The following ADAMTS3 variants were observed in gnomAD, a reference collection of about 807,000 sequenced individuals.
The protein encoded by ADAMTS3 is ADAM metallopeptidase with thrombospondin type 1 motif 3, also known as A disintegrin and metalloproteinase with thrombospondin motifs 3.
In ADAMTS3, 73 loss-of-function variants were observed where a neutral mutation model predicts 129.0. The observed-to-expected ratio is 0.57, with a 90% CI of 0.47 to 0.69. The LOEUF is 0.69. Ranked by LOEUF, ADAMTS3 falls within the 30% of genes least tolerant of loss-of-function variation. The pLI is 0.00. For synonymous variants in ADAMTS3, 477 were observed against 510.8 expected, an observed-to-expected ratio of 0.93 and a Z score of 0.89; for missense variants, 1,457 against 1,514.5, an observed-to-expected ratio of 0.96 and a Z score of 0.63.
At chr4:72,498,914 T>C (rs1719939289) in intron 3 of ADAMTS3, among the ~76,000 whole-genome samples, 1 of 152,108 alleles carries the variant, frequency 6.6e-6, no homozygotes, top group Admixed American at 6.6e-5. Context: ...TTCTTCCATC[T>C]CTGACACTAT....
intron 3 of ADAMTS3, among the ~76,000 whole-genome samples, chr4:72,471,329 C>G (rs556292220): frequency 6.6e-6 from 1 of 152,076 alleles, no homozygotes; most frequent in Non-Finnish European, 1.5e-5. Flanking sequence ...TAACTTCTAA[C>G]TCCATGACAC....
intron 3 of ADAMTS3, among the ~76,000 whole-genome samples, chr4:72,515,191 T>C (rs1459352613): frequency 6.6e-6 from 1 of 152,216 alleles, no homozygotes; most frequent in Non-Finnish European, 1.5e-5. Flanking sequence ...CTGCATAGCA[T>C]TCCATGGTGT....
intron 4 of ADAMTS3, among the ~76,000 whole-genome samples, chr4:72,380,469 C>A (rs1329832561): frequency 6.6e-6 from 1 of 152,088 alleles, no homozygotes; most frequent in East Asian, 1.9e-4. Flanking sequence ...ATTAATAAGG[C>A]AGTAATGATT....
intron 4 of ADAMTS3, among the ~76,000 whole-genome samples, chr4:72,360,233 C>T (rs1044273342): frequency 2.0e-5 from 3 of 152,008 alleles, no homozygotes; most frequent in African/African-American, 7.2e-5. Flanking sequence ...GGTTTTTCCT[C>T]GAATTTCCTA....
chr4:72,533,670 C>CACATATGTATATAT (rs1560556061), intron 3 of ADAMTS3, among the ~76,000 whole-genome samples: 1 of 151,148 alleles, frequency 6.6e-6, no homozygotes, highest in Admixed American at 6.6e-5. Context: ...TATGTATATG[C>CACATATGTATATAT]ACATATATGC....
intron 3 of ADAMTS3, among the ~76,000 whole-genome samples, chr4:72,428,676 A>G (rs1722626522): frequency 6.6e-6 from 1 of 152,020 alleles, no homozygotes; most frequent in South Asian, 2.1e-4. Context: ...GGTTCTGGTC[A>G]CAGCTTTGCT....
At chr4:72,439,186 A>AT (rs962218521) in intron 3 of ADAMTS3, among the ~76,000 whole-genome samples, 18 of 151,660 alleles carry the variant, frequency 1.2e-4, no homozygotes, top group Non-Finnish European at 1.3e-4. Context: ...AAATACATTT[A>AT]TTTTTTATTT....
intron 4 of ADAMTS3, among the ~76,000 whole-genome samples, chr4:72,350,774 T>A (rs1447420074): frequency 6.6e-6 from 1 of 152,000 alleles, no homozygotes; most frequent in Non-Finnish European, 1.5e-5. Context: ...CAGCCCCATA[T>A]AAGCACCAGG....
At chr4:72,452,762 G>C (rs1422356248) in intron 3 of ADAMTS3, among the ~76,000 whole-genome samples, 1 of 151,654 alleles carries the variant, frequency 6.6e-6, no homozygotes, top group Non-Finnish European at 1.5e-5. Context: ...CTGGGCTTTG[G>C]TACCTGCCCA....
At position 72,315,974 on chromosome 4, in the gene ADAMTS3, G is replaced by A; in HGVS notation, c.1486-3C>T. ...TTACATGGGTCAAAGGTTCGGAACT[G>A]GAAGATAGATAATCAAATTGTCAGT... On this transcript the variant is annotated splice_region_variant and splice_polypyrimidine_tract_variant and intron_variant, in intron 10 of 21. Transcript: ENST00000286657. 4.4e-6 allele frequency: 7 copies of A among 1,576,726 alleles called. No homozygotes were observed. The highest frequency in any genetic ancestry group is 6.1e-6 in the Non-Finnish European group (7 of 1,151,840).
intron 3 of ADAMTS3, among the ~76,000 whole-genome samples, chr4:72,506,815 G>A (rs1302300794): frequency 6.6e-6 from 1 of 152,174 alleles, no homozygotes; most frequent in African/African-American, 2.4e-5. Flanking sequence ...TCATGTGGCT[G>A]TTTGCCCACA....
chr4:72,284,062 G>T (rs1229964651), intron 21 of ADAMTS3, among the ~76,000 whole-genome samples: 1 of 152,070 alleles, frequency 6.6e-6, no homozygotes, highest in Non-Finnish European at 1.5e-5. Flanking sequence ...AGGGGCATCT[G>T]TATTTTTATT....
In ADAMTS3 at chr4:72,483,498, A is replaced by G. The variant is rs191186890; in HGVS notation, c.504+64980T>C. On this transcript the variant is annotated intron_variant, in intron 3 of 21. Coordinates refer to ENST00000286657, the MANE Select transcript of ADAMTS3 (RefSeq NM_014243.3). ...TTATTTCTCTTTTTCCAAAAGAGTGACACCCCATCAACAATGAGTTTCAGG... is the reference window on the plus strand; with the variant it reads ...TTATTTCTCTTTTTCCAAAAGAGTGGCACCCCATCAACAATGAGTTTCAGG... Among the ~76,000 whole-genome samples, 143 of 152,274 alleles carry G rather than the reference A, an allele frequency of 9.4e-4. 2 individuals carry two copies. Among genetic ancestry groups the G allele is most frequent in the African/African-American group, 3.4e-3 (141 of 41,554 alleles).
chr4:72,414,947 CATT>C lies in ADAMTS3; in HGVS notation c.526_528del (p.Asn176del). 1 of 1,546,616 alleles carries C rather than the reference CATT, an allele frequency of 6.5e-7. No individual in the cohort carries two copies. Among genetic ancestry groups the C allele is most frequent in the Non-Finnish European group, 8.7e-7 (1 of 1,152,140 alleles). On this transcript the variant is annotated inframe_deletion, in exon 4 of 22. Transcript: ENST00000286657. ...TCCAAGGGTTCAATGAAATACTCTT[CATT>C]ATCACTTTTTATCATTCCAGCCTAG...
intron 3 of ADAMTS3, among the ~76,000 whole-genome samples, chr4:72,428,046 A>G (rs965236129): frequency 6.6e-6 from 1 of 152,040 alleles, no homozygotes; most frequent in Non-Finnish European, 1.5e-5. Context: ...GAACACCTAA[A>G]AAAACATTAT....
chr4:72,527,566 A>G (rs10805050), intron 3 of ADAMTS3, among the ~76,000 whole-genome samples: 46,168 of 152,048 alleles, frequency 0.3, 7,196 homozygotes, highest in Middle Eastern at 0.35. Context: ...CCATCTATTT[A>G]TATACTCCCA....
intron 3 of ADAMTS3, among the ~76,000 whole-genome samples, chr4:72,423,597 T>G (rs1214057946): frequency 6.6e-6 from 1 of 152,118 alleles, no homozygotes; most frequent in Admixed American, 6.6e-5. Flanking sequence ...AGGGTACATG[T>G]GCACAACGTG....
At chr4:72,397,590 CAA>C (rs368682599) in intron 4 of ADAMTS3, among the ~76,000 whole-genome samples, 1 of 127,382 alleles carries the variant, frequency 7.9e-6, no homozygotes, top group African/African-American at 2.9e-5. Flanking sequence ...CACACACACA[CAA>C]AGAAAGAAAA....
chr4:72,385,277 A>G (rs1455151097), intron 4 of ADAMTS3, among the ~76,000 whole-genome samples: 1 of 152,096 alleles, frequency 6.6e-6, no homozygotes, highest in Non-Finnish European at 1.5e-5. Flanking sequence ...AACTCTAAGG[A>G]CACCTGAAAA....
Sources: allele counts gnomAD v4.1 joint callset (sites outside exome capture counted in the v4.1 genomes callset), GRCh38; gene constraint gnomAD v4.1.1; transcripts MANE v1.5; gene names NCBI Gene and HGNC (gene_info 2026-07-23, HGNC 2026-07-21).